The following SLC24A3 variants were observed in gnomAD, a reference collection of about 807,000 sequenced individuals.
The protein encoded by SLC24A3 is sodium/potassium/calcium exchanger 3.
In SLC24A3, 28 loss-of-function variants were observed where a neutral mutation model predicts 75.8. The observed-to-expected ratio is 0.37, with a 90% CI of 0.27 to 0.51. SLC24A3 has a LOEUF of 0.51. Ranked by LOEUF, SLC24A3 falls within the 20% of genes least tolerant of loss-of-function variation. The pLI is 0.94. For synonymous variants in SLC24A3, 372 were observed against 334.1 expected (o/e 1.11, Z -1.24); for missense variants, 663 against 847.8 (o/e 0.78, Z 2.71).
At chr20:19,354,408 T>C (rs1488659403) in intron 2 of SLC24A3, among the ~76,000 whole-genome samples, 1 of 150,978 alleles carries the variant, frequency 6.6e-6, no homozygotes, top group Admixed American at 6.6e-5. Flanking sequence ...GTGCAGGGGG[T>C]TGGCCTACAG....
intron 2 of SLC24A3, among the ~76,000 whole-genome samples, chr20:19,312,832 T>C (rs1984490994): frequency 1.3e-5 from 2 of 152,134 alleles, no homozygotes; most frequent in South Asian, 2.1e-4. Flanking sequence ...CAGAGTTCCA[T>C]TGGCCTGGTG....
At chr20:19,360,616 CAT>C (rs1294137012) in intron 2 of SLC24A3, among the ~76,000 whole-genome samples, 3 of 152,202 alleles carry the variant, frequency 2.0e-5, no homozygotes, top group East Asian at 3.9e-4. Flanking sequence ...GGTATCTTAA[CAT>C]GTGGATATTA....
chr20:19,455,443 C>G (rs1402313220), intron 2 of SLC24A3, among the ~76,000 whole-genome samples: 2 of 152,160 alleles, frequency 1.3e-5, no homozygotes, highest in Admixed American at 6.5e-5. Flanking sequence ...CCTGTAGATA[C>G]TTTTCATAAA....
intron 2 of SLC24A3, among the ~76,000 whole-genome samples, chr20:19,445,764 A>G (rs1987372342): frequency 6.6e-6 from 1 of 152,204 alleles, no homozygotes; most frequent in Non-Finnish European, 1.5e-5. Context: ...GGGGAGGTAT[A>G]GGTCCTCACA....
At position 19,499,658 on chromosome 20, in the gene SLC24A3, C is replaced by T. The variant is rs554702142; in HGVS notation, c.272-15830C>T. Among the ~76,000 whole-genome samples the T allele has an allele frequency of 4.6e-5, 7 of 152,278 alleles. No individual in the cohort carries two copies. In the East Asian group the frequency reaches 9.7e-4, roughly 21 times the overall value. The stretch of plus-strand genomic sequence containing the variant: ...TCATGACCTAATTACCTCCCAAAGA[C>T]CCCATCGCACTGGGGATTAGGATTT... On this transcript the variant is annotated intron_variant, in intron 2 of 16. Transcript: ENST00000328041.
chr20:19,690,613 A>G (rs775627773), intron 12 of SLC24A3, among the ~76,000 whole-genome samples: 1 of 152,184 alleles, frequency 6.6e-6, no homozygotes, highest in Non-Finnish European at 1.5e-5. Context: ...GAGGTTCCAC[A>G]TGGGTAAATG....
chr20:19,557,347 GAC>G (rs2030804516), intron 3 of SLC24A3, among the ~76,000 whole-genome samples: 1 of 152,098 alleles, frequency 6.6e-6, no homozygotes, highest in Non-Finnish European at 1.5e-5. Flanking sequence ...TCCCAACTTT[GAC>G]ATCACAGGGG....
chr20:19,472,872 T>C, intron 2 of SLC24A3, among the ~76,000 whole-genome samples: 1 of 152,212 alleles, frequency 6.6e-6, no homozygotes, highest in Non-Finnish European at 1.5e-5. Context: ...CTAGCAGGGT[T>C]CCCCTGCGGC....
intron 1 of SLC24A3, 76 bp downstream of exon 1, chr20:19,213,060 T>C (rs1981451507): frequency 1.8e-6 from 2 of 1,132,752 alleles, no homozygotes; most frequent in Non-Finnish European, 2.2e-6. Flanking sequence ...GGCGCGGGGC[T>C]CCTTCGGGCG....
intron 2 of SLC24A3, among the ~76,000 whole-genome samples, chr20:19,333,337 T>C (rs1480492775): frequency 6.6e-6 from 1 of 152,218 alleles, no homozygotes; most frequent in East Asian, 1.9e-4. Context: ...CTAATGCATC[T>C]GTTCATTACA....
At chr20:19,422,906 A>G (rs1986941009) in intron 2 of SLC24A3, among the ~76,000 whole-genome samples, 1 of 152,184 alleles carries the variant, frequency 6.6e-6, no homozygotes, top group Admixed American at 6.5e-5. Context: ...GGAATAAGAG[A>G]GTTACACATA....
chr20:19,623,798 G>A (rs370137224), intron 6 of SLC24A3, among the ~76,000 whole-genome samples: 45 of 152,210 alleles, frequency 3.0e-4, no homozygotes, highest in Middle Eastern at 6.8e-3. Flanking sequence ...GGGTATGAGC[G>A]AAACATCTGT....
chr20:19,647,509 GGGC>G (rs2032153327), intron 6 of SLC24A3, among the ~76,000 whole-genome samples: 1 of 152,200 alleles, frequency 6.6e-6, no homozygotes, highest in East Asian at 1.9e-4. Context: ...TACCCAGAGT[GGGC>G]GAAGGGAGCC....
At chr20:19,321,664 A>G (rs1249425346) in intron 2 of SLC24A3, among the ~76,000 whole-genome samples, 2 of 152,316 alleles carry the variant, frequency 1.3e-5, no homozygotes, top group South Asian at 2.1e-4. Flanking sequence ...AATTAAAACC[A>G]TATGTTAAGG....
chr20:19,684,949 A>G (rs1167325015), intron 11 of SLC24A3, 151 bp from the exon 12 acceptor site: 13 of 884,678 alleles, frequency 1.5e-5, no homozygotes, highest in East Asian at 2.6e-5. Flanking sequence ...GGAGTTGGTT[A>G]TCACATTGAG....
At chr20:19,253,400 T>C (rs1982720633) in intron 1 of SLC24A3, among the ~76,000 whole-genome samples, 3 of 152,258 alleles carry the variant, frequency 2.0e-5, no homozygotes, top group African/African-American at 4.8e-5. Flanking sequence ...TGCCAAGCGT[T>C]ACCCCTGTTC....
chr20:19,246,593 G>A (rs919410093), intron 1 of SLC24A3, among the ~76,000 whole-genome samples: 11 of 152,126 alleles, frequency 7.2e-5, no homozygotes, highest in African/African-American at 2.2e-4. Context: ...AATCGAAAAT[G>A]TGAAGAGATG....
At chr20:19,547,291 G>T (rs2030616442) in intron 3 of SLC24A3, among the ~76,000 whole-genome samples, 1 of 152,294 alleles carries the variant, frequency 6.6e-6, no homozygotes, top group African/African-American at 2.4e-5. Flanking sequence ...TAAAGTTCTA[G>T]ATGCTGTATG....
At chr20:19,692,722 A>G (rs897394961) in intron 12 of SLC24A3, among the ~76,000 whole-genome samples, 25 of 152,294 alleles carry the variant, frequency 1.6e-4, no homozygotes, top group Middle Eastern at 3.4e-3. Flanking sequence ...CAGGTTAGTA[A>G]TACAGGTCTA....
Sources: allele counts gnomAD v4.1 joint callset (sites outside exome capture counted in the v4.1 genomes callset), GRCh38; gene constraint gnomAD v4.1.1; transcripts MANE v1.5; gene names NCBI Gene and HGNC (gene_info 2026-07-23, HGNC 2026-07-21).